Variants in DOCK3 observed in about 807,000 individuals in gnomAD.
DOCK3 encodes dedicator of cytokinesis protein 3.
Under a neutral mutation model 265.6 loss-of-function variants are expected in DOCK3, and 60 were observed. The observed-to-expected ratio is 0.23, with a 90% CI of 0.18 to 0.28. The LOEUF is 0.28. DOCK3 is among the 10% of genes least tolerant of loss of function. The pLI is 1.00. For missense variants in DOCK3, 1,981 were observed against 2,594.3 expected (o/e 0.76, Z 5.14); for synonymous variants, 881 against 938.0 (o/e 0.94, Z 1.11).
intron 5 of DOCK3, among the ~76,000 whole-genome samples, chr3:50,940,056 G>GAT (rs1559841216): frequency 4.9e-5 from 2 of 40,714 alleles, no homozygotes. Flanking sequence ...CATACCCACA[G>GAT]ACACACACAT....
At chr3:50,990,834 C>T (rs184421818) in intron 5 of DOCK3, among the ~76,000 whole-genome samples, 1 of 152,126 alleles carries the variant, frequency 6.6e-6, no homozygotes, top group Non-Finnish European at 1.5e-5. Flanking sequence ...GCCGTGCTGG[C>T]AGCTGATTAG....
chr3:50,694,835 A>G (rs2107767356), intron 1 of DOCK3, among the ~76,000 whole-genome samples: 1 of 152,276 alleles, frequency 6.6e-6, no homozygotes, highest in Middle Eastern at 3.4e-3. Context: ...AAAAAAACAA[A>G]TGAAAAACAA....
At position 51,312,056 on chromosome 3, in the gene DOCK3, A is replaced by G. The variant is rs768218265; in HGVS notation, c.3070A>G (p.Thr1024Ala). Residue 1024 changes from threonine (T) to alanine (A), a missense_variant, in exon 29 of 53, where the codon ACA becomes GCA. Around this residue, in one of 4 missense-constraint regions of DOCK3, gnomAD observed 1,357 missense variants for 1,866.8 expected, o/e 0.73. Coordinates refer to ENST00000266037, the MANE Select transcript of DOCK3 (RefSeq NM_004947.5). The stretch of plus-strand genomic sequence containing the variant: ...GTCCTCTGCACTGCACAAGAATTTC[A>G]CAGAGACTGACTTTGACTTTAAGGT... ...YLSSALHKNFTETDFDFKVWN... is the reference protein window; with the variant it reads ...YLSSALHKNFAETDFDFKVWN... 27 of 1,605,394 alleles carry G rather than the reference A, an allele frequency of 1.7e-5. No homozygotes were observed. The highest frequency in any genetic ancestry group is 2.3e-5 in the Non-Finnish European group (27 of 1,175,676).
At chr3:50,909,539 C>T (rs2049743697) in intron 4 of DOCK3, among the ~76,000 whole-genome samples, 1 of 151,554 alleles carries the variant, frequency 6.6e-6, no homozygotes, top group Non-Finnish European at 1.5e-5. Context: ...TATTGGCTTC[C>T]AATCTCTTCT....
At chr3:50,914,737 T>A (rs148483131) in intron 4 of DOCK3, among the ~76,000 whole-genome samples, 8 of 152,238 alleles carry the variant, frequency 5.3e-5, no homozygotes, top group African/African-American at 1.7e-4. Context: ...AATCCAATGT[T>A]TCTTTGTTGA....
At chr3:51,274,253 C>T (rs1036485630) in intron 24 of DOCK3, among the ~76,000 whole-genome samples, 10 of 152,166 alleles carry the variant, frequency 6.6e-5, no homozygotes, top group African/African-American at 2.4e-4. Flanking sequence ...CACTGAGCAG[C>T]AATCTAACAA....
At chr3:50,900,754 A>C (rs1426651650) in intron 4 of DOCK3, 2 of 446,386 alleles carry the variant, frequency 4.5e-6, no homozygotes, top group South Asian at 3.2e-5. Flanking sequence ...GGTCTGCTGG[A>C]GTTTGCAGGA....
chr3:50,970,941 A>G (rs1559878750), intron 5 of DOCK3, among the ~76,000 whole-genome samples: 92 of 71,616 alleles, frequency 1.3e-3, no homozygotes, highest in African/African-American at 5.3e-3. Flanking sequence ...ATATATATAT[A>G]TATATAATGT....
intron 9 of DOCK3, among the ~76,000 whole-genome samples, chr3:51,099,973 A>T (rs1335571041): frequency 6.6e-6 from 1 of 152,200 alleles, no homozygotes; most frequent in Non-Finnish European, 1.5e-5. Flanking sequence ...TAAATTAATG[A>T]GGTGGAGCCA....
At chr3:51,127,808 T>G (rs1344541958) in intron 9 of DOCK3, among the ~76,000 whole-genome samples, 1 of 152,188 alleles carries the variant, frequency 6.6e-6, no homozygotes, top group Non-Finnish European at 1.5e-5. Flanking sequence ...ACCCAAACCT[T>G]CATTCCTGAG....
chr3:50,706,034 A>C (rs2036391034), intron 1 of DOCK3, among the ~76,000 whole-genome samples: 1 of 151,902 alleles, frequency 6.6e-6, no homozygotes, highest in Admixed American at 6.6e-5. Context: ...CTGTCTCAAA[A>C]AAAAAAAAAG....
rs372988062 is a variant in DOCK3, at chr3:50,920,816, C to T, written c.219-13165C>T. 4.6e-4 allele frequency among the ~76,000 whole-genome samples: 70 copies of T among 152,138 alleles called. 1 individual carries two copies. The Middle Eastern group carries it at 0.01, about 22-fold the overall frequency. ...CTTTTGAATGCGTTTGCTCTTGCTT[C>T]TCTAGTTCTTTTAATTGTGATGTTA... On this transcript the variant is annotated intron_variant, in intron 4 of 52. Coordinates refer to ENST00000266037, the MANE Select transcript of DOCK3 (RefSeq NM_004947.5).
chr3:50,797,631 A>G (rs1326298313), intron 2 of DOCK3, among the ~76,000 whole-genome samples: 1 of 152,216 alleles, frequency 6.6e-6, no homozygotes, highest in Non-Finnish European at 1.5e-5. Context: ...ACTAGTTTAC[A>G]TCTCCAGCAC....
At chr3:51,096,768 C>A (rs2082874404) in intron 9 of DOCK3, among the ~76,000 whole-genome samples, 2 of 152,194 alleles carry the variant, frequency 1.3e-5, no homozygotes, top group South Asian at 2.1e-4. Flanking sequence ...TTTTCCTCAT[C>A]TTCGTGGATT....
chr3:50,854,592 GTT>G (rs71084118), intron 3 of DOCK3, among the ~76,000 whole-genome samples: 6 of 47,214 alleles, frequency 1.3e-4, no homozygotes, highest in African/African-American at 2.6e-4. Context: ...CATCACACCA[GTT>G]TTTTTTTTTT....
At chr3:50,780,288 A>C (rs1231274103) in intron 2 of DOCK3, among the ~76,000 whole-genome samples, 2 of 152,202 alleles carry the variant, frequency 1.3e-5, no homozygotes, top group Non-Finnish European at 2.9e-5. Context: ...TGAGATCTAA[A>C]AGTGAGACAA....
intron 2 of DOCK3, among the ~76,000 whole-genome samples, chr3:50,810,995 G>T (rs978613222): frequency 6.6e-6 from 1 of 152,090 alleles, no homozygotes. Flanking sequence ...TGGATGAAAG[G>T]TTTAAAAATA....
chr3:50,960,347 T>A (rs1224725357), intron 5 of DOCK3, among the ~76,000 whole-genome samples: 1 of 152,192 alleles, frequency 6.6e-6, no homozygotes, highest in Non-Finnish European at 1.5e-5. Context: ...TTTTTCCACA[T>A]CTCTGGCAAC....
At chr3:51,280,053 A>G (rs969821297) in intron 26 of DOCK3, 53 bp from the exon 27 acceptor site, 1 of 1,478,380 alleles carries the variant, frequency 6.8e-7, no homozygotes, top group Admixed American at 1.8e-5. Context: ...GGATTGGGGG[A>G]ACACAGCCCT....
Sources: gnomAD v4.1 joint callset for allele counts (sites outside exome capture counted in the v4.1 genomes callset) on GRCh38, gnomAD v4.1.1 for gene constraint, gnomAD v4.1.1 regional missense constraint, MANE v1.5 for transcripts, NCBI Gene and HGNC (gene_info 2026-07-23, HGNC 2026-07-21) for gene names.